The following SPPL2A variants were observed in gnomAD, a reference collection of about 807,000 sequenced individuals.
The protein encoded by SPPL2A is signal peptide peptidase-like 2A.
A neutral mutation model predicts 63.8 loss-of-function variants in SPPL2A; 51 were observed. That is an observed-to-expected ratio of 0.80 (90% confidence interval 0.64 to 1.01). The LOEUF is 1.01. SPPL2A is among the 50% of genes least tolerant of loss of function. SPPL2A has a pLI of 0.00. For missense variants in SPPL2A, 553 were observed against 622.7 expected, an observed-to-expected ratio of 0.89 and a Z score of 1.19; for synonymous variants, 188 against 205.8, an observed-to-expected ratio of 0.91 and a Z score of 0.74.
In SPPL2A at chr15:50,725,251, T is replaced by C. The variant is rs759339570; in HGVS notation, c.1219A>G (p.Ile407Val). The change falls in exon 12 of 15, where the codon ATA (isoleucine) becomes GTA (valine). Residue 407 changes from isoleucine (I) to valine (V), a missense_variant. By Grantham distance (29) the Ile-to-Val change is conservative (BLOSUM62 3). Transcript: ENST00000261854. ...VMSVCLMPVS[I>V]LGFGDIIVPG... ...ACAATAATGTCTCCAAAACCCAATA[T>C]TGAAACAGGCATGAGGCACACACTC... 12 of 1,605,810 alleles carry C rather than the reference T, an allele frequency of 7.5e-6. No individual in the cohort carries two copies. Among genetic ancestry groups the C allele is most frequent in the East Asian group, 2.2e-5 (1 of 44,838 alleles).
rs1464509358 is a variant in SPPL2A, at chr15:50,765,535, G to C, written c.-2C>G. 2.7e-6 allele frequency: 4 copies of C among 1,493,878 alleles called. No individual in the cohort carries two copies. The African/African-American group carries it at 4.4e-5, about 16-fold the overall frequency. 92.5% of individuals were successfully genotyped at this position (1,493,878 alleles called of 1,614,324 possible). Reference sequence around the variant, plus strand: ...GGACAGCCGCCGCTGCGGCCCCATCGGACTGGTGGGTGCCGGGTGGGACGG... The same window carrying C: ...GGACAGCCGCCGCTGCGGCCCCATCCGACTGGTGGGTGCCGGGTGGGACGG... On this transcript the variant is annotated 5_prime_UTR_variant, in exon 1 of 15. Coordinates refer to ENST00000261854, the MANE Select transcript of SPPL2A (RefSeq NM_032802.4).
chr15:50,717,468 T>G (rs1314337458), intron 14 of SPPL2A, among the ~76,000 whole-genome samples: 1 of 152,218 alleles, frequency 6.6e-6, no homozygotes, highest in Non-Finnish European at 1.5e-5. Context: ...CAACCATGTC[T>G]GGCCTTCTAT....
chr15:50,761,022 G>GTT (rs1166408047), intron 1 of SPPL2A, among the ~76,000 whole-genome samples: 1 of 144,214 alleles, frequency 6.9e-6, no homozygotes, highest in Non-Finnish European at 1.5e-5. Flanking sequence ...GTGTGTGTGT[G>GTT]TTTTTAGAGA....
intron 14 of SPPL2A, among the ~76,000 whole-genome samples, chr15:50,712,975 T>C (rs1222090035): frequency 2.6e-5 from 4 of 151,830 alleles, no homozygotes; most frequent in African/African-American, 7.3e-5. Context: ...TGAGCCATCA[T>C]GTCCGGCCCC....
chr15:50,718,134 G>A lies in SPPL2A; in HGVS notation c.1488+1806C>T, dbSNP rs148580553. ...CTACAAGGCACCCACCACCACACCC[G>A]GCTAATATTTTTTTTGTATTTTTTA... On this transcript the variant is annotated intron_variant, in intron 14 of 14. Transcript: ENST00000261854. Among the ~76,000 whole-genome samples the A allele has an allele frequency of 3.9e-3, 594 of 151,826 alleles. 4 individuals are homozygous for A. The highest frequency in any genetic ancestry group is 0.014 in the African/African-American group (564 of 41,396).
chr15:50,715,534 G>C (rs1207226214), intron 14 of SPPL2A, among the ~76,000 whole-genome samples: 2 of 145,792 alleles, frequency 1.4e-5, no homozygotes, highest in Non-Finnish European at 3.0e-5. Flanking sequence ...ACTATTTCCA[G>C]TATGAGTTAG....
intron 1 of SPPL2A, among the ~76,000 whole-genome samples, chr15:50,763,340 G>T (rs999395608): frequency 2.0e-5 from 3 of 152,084 alleles, no homozygotes; most frequent in African/African-American, 7.2e-5. Context: ...GAGGAACCAA[G>T]AAGAAAACAA....
Position 50,736,677 on chromosome 15 carries a change from G to A in SPPL2A, c.797C>T (p.Ala266Val), listed in dbSNP as rs749422948. ...SAMSLYNCLA[A>V]LIHKIPYGQC... ...TCCATATGGTATCTTATGAATTAGT[G>A]CAGCAAGACAGTTGTACAGACTCAT... is the stretch of plus-strand genomic sequence containing the variant. The change falls in exon 7 of 15, where the codon GCA (alanine) becomes GTA (valine). Residue 266 changes from alanine to valine, a missense_variant. Transcript: ENST00000261854. 1 of 1,606,848 alleles carries A rather than the reference G, an allele frequency of 6.2e-7. No individual in the cohort carries two copies. The highest frequency in any genetic ancestry group is 1.1e-5 in the South Asian group (1 of 90,732).
chr15:50,733,291 T>C (rs1367224841), intron 8 of SPPL2A, among the ~76,000 whole-genome samples: 1 of 152,218 alleles, frequency 6.6e-6, no homozygotes, highest in East Asian at 1.9e-4. Context: ...GTATGAGCTT[T>C]GTTTCCCAAA....
intron 14 of SPPL2A, among the ~76,000 whole-genome samples, chr15:50,715,784 A>G (rs1280513388): frequency 6.6e-6 from 1 of 150,668 alleles, no homozygotes; most frequent in South Asian, 2.1e-4. Context: ...AACTACCAAT[A>G]ATATTAACCT....
At chr15:50,738,636 T>C (rs968479860) in intron 6 of SPPL2A, among the ~76,000 whole-genome samples, 2 of 152,076 alleles carry the variant, frequency 1.3e-5, no homozygotes, top group Admixed American at 1.3e-4. Context: ...CACATAAGCA[T>C]GGTAGCCTTT....
At chr15:50,719,372 G>A (rs2062625851) in intron 14 of SPPL2A, among the ~76,000 whole-genome samples, 1 of 152,078 alleles carries the variant, frequency 6.6e-6, no homozygotes, top group Admixed American at 6.6e-5. Flanking sequence ...AGCCTCCCAA[G>A]TAGCTGGGAT....
At position 50,748,801 on chromosome 15, in the gene SPPL2A, T is replaced by G. The variant is rs1327341284; in HGVS notation, c.247A>C (p.Ile83Leu). The change falls in exon 3 of 15, where the codon ATA (isoleucine) becomes CTA (leucine). Residue 83 changes from isoleucine to leucine, a missense_variant. By Grantham distance (5) the Ile-to-Leu change is conservative. Transcript: ENST00000261854. ...GGAACCACAACTGCTTTGCTCTTTA[T>G]GCCAACAGGAGGAATATCAGAAAGG... The part of the protein sequence containing the change: ...CNLSDIPPVG[I>L]KSKAVVVPWG... 1.2e-6 allele frequency: 2 copies of G among 1,612,304 alleles called. No homozygotes were observed. The highest frequency in any genetic ancestry group is 2.7e-5 in the African/African-American group (2 of 74,798).
In SPPL2A at chr15:50,748,808, A is replaced by G; in HGVS notation, c.240T>C (p.Pro80=). 1 of 1,611,894 alleles carries G rather than the reference A, an allele frequency of 6.2e-7. No homozygotes were observed. The change falls in exon 3 of 15, where the codon CCT becomes CCC. Residue 80 remains proline, a synonymous_variant. Coordinates refer to ENST00000261854, the MANE Select transcript of SPPL2A (RefSeq NM_032802.4). ...CAACTGCTTTGCTCTTTATGCCAAC[A>G]GGAGGAATATCAGAAAGGTTGCATA... is the stretch of plus-strand genomic sequence containing the variant. ...TPLCNLSDIP[P]VGIKSKAVVV...
intron 8 of SPPL2A, among the ~76,000 whole-genome samples, chr15:50,733,284 T>C (rs1163869344): frequency 6.6e-6 from 1 of 152,192 alleles, no homozygotes; most frequent in Non-Finnish European, 1.5e-5. Flanking sequence ...TAAAGCTGTA[T>C]GAGCTTTGTT....
chr15:50,715,656 C>A (rs990750916), intron 14 of SPPL2A, among the ~76,000 whole-genome samples: 1 of 152,064 alleles, frequency 6.6e-6, no homozygotes, highest in African/African-American at 2.4e-5. Context: ...TTACTTTAGA[C>A]ACTTTTGTAT....
rs1021300138 is a variant in SPPL2A at position 50,707,000 on chromosome 15, T to C, written c.*800A>G. 1 of 152,200 alleles carries C rather than the reference T, an allele frequency of 6.6e-6. No individual in the cohort carries two copies. Among genetic ancestry groups the C allele is most frequent in the African/African-American group, 2.4e-5 (1 of 41,444 alleles). 9.4% of individuals were successfully genotyped at this position (152,200 alleles called of 1,614,324 possible). On this transcript the variant is annotated 3_prime_UTR_variant, in exon 15 of 15. Transcript: ENST00000261854. ...AAAAAAATACTACAAAAATATGCAC[T>C]TATATTTCCAAAATTATGTATTTCT...
chr15:50,710,734 G>A (rs988575017), intron 14 of SPPL2A, among the ~76,000 whole-genome samples: 1 of 152,200 alleles, frequency 6.6e-6, no homozygotes, highest in African/African-American at 2.4e-5. Context: ...TACTAAAGCA[G>A]AGTTGTTCTA....
At chr15:50,728,507 C>A (rs1256662156) in intron 10 of SPPL2A, among the ~76,000 whole-genome samples, 2 of 151,780 alleles carry the variant, frequency 1.3e-5, no homozygotes, top group South Asian at 2.1e-4. Context: ...CCATGCCCGG[C>A]TAATTTTTTT....
Sources: gnomAD v4.1 joint callset for allele counts (sites outside exome capture counted in the v4.1 genomes callset) on GRCh38, gnomAD v4.1.1 for gene constraint, MANE v1.5 for transcripts, NCBI Gene and HGNC (gene_info 2026-07-23, HGNC 2026-07-21) for gene names.